The following RPL18 variants were observed in gnomAD, a reference collection of about 807,000 sequenced individuals.
RPL18 encodes ribosomal protein L18.
A neutral mutation model predicts 25.0 loss-of-function variants in RPL18; 4 were observed. The observed-to-expected ratio is 0.16, with a 90% CI of 0.08 to 0.37. The LOEUF (loss-of-function observed/expected upper bound fraction) is 0.37, where lower values mean the gene tolerates loss of function less well. Ranked by LOEUF, RPL18 falls within the 10% of genes least tolerant of loss-of-function variation. The pLI, the probability that RPL18 is intolerant of heterozygous loss-of-function variation, is 1.00. For synonymous variants in RPL18, 129 were observed against 101.6 expected (o/e 1.27, Z -1.62); for missense variants, 179 against 267.9 (o/e 0.67, Z 2.32).
chr19:48,615,967 C>T, intron 5 of RPL18, 21 bp from the exon 6 acceptor site: 2 of 1,613,994 alleles, frequency 1.2e-6, no homozygotes, highest in East Asian at 4.5e-5. Flanking sequence ...GGAAGGAGAA[C>T]CGGGTGAGAC....
intron 6 of RPL18, 189 bp downstream of exon 6, chr19:48,615,688 G>A (rs1974145160): frequency 1.5e-6 from 1 of 661,554 alleles, no homozygotes; most frequent in Admixed American, 2.6e-5. Flanking sequence ...GGAGATGCCT[G>A]CTCAGGCCCT....
At position 48,615,962 on chromosome 19, in the gene RPL18, G is replaced by A. The variant is rs1177946546; in HGVS notation, c.422-16C>T. ...TTGCGAGGACCTAGGGAAGGGGAAG[G>A]AGAACCGGGTGAGACAGGGATCTGG... is the stretch of plus-strand genomic sequence containing the variant. On this transcript the variant is annotated splice_polypyrimidine_tract_variant and intron_variant, in intron 5 of 6. Transcript: ENST00000549920. 1 of 1,614,056 alleles carries A rather than the reference G, an allele frequency of 6.2e-7. No individual in the cohort carries two copies. The highest frequency in any genetic ancestry group is 1.1e-5 in the South Asian group (1 of 91,068).
At position 48,616,736 on chromosome 19, in the gene RPL18, G is replaced by A; in HGVS notation, c.287C>T (p.Pro96Leu). The change falls in exon 4 of 7, where the codon CCC (proline) becomes CTC (leucine). Residue 96 changes from proline to leucine, a missense_variant. Coordinates refer to ENST00000549920, the MANE Select transcript of RPL18 (RefSeq NM_000979.4). ...ITDDVRVQEV[P>L]KLKVCALRVT... is the part of the protein sequence containing the mutation. ...CCCCCGCCAGCTCACCTTCAGTTTG[G>A]GTACCTCCTGAACCCGCACATCATC... The A allele has an allele frequency of 6.2e-7, 1 of 1,611,856 alleles. No individual in the cohort carries two copies. Among genetic ancestry groups the A allele is most frequent in the Non-Finnish European group, 8.5e-7 (1 of 1,178,068 alleles).
chr19:48,615,681 G>A (rs1367898689), intron 6 of RPL18, 196 bp downstream of exon 6: 7 of 653,032 alleles, frequency 1.1e-5, no homozygotes, highest in Non-Finnish European at 1.9e-5. Flanking sequence ...CTCCCCAGGA[G>A]ATGCCTGCTC....
At chr19:48,618,381 G>A (rs1038407746) in intron 1 of RPL18, 2 of 154,980 alleles carry the variant, frequency 1.3e-5, no homozygotes, top group Admixed American at 1.3e-4. Context: ...GGCCAGGCTG[G>A]TCTTGATCTC....
chr19:48,616,654 C>T, intron 4 of RPL18, 72 bp downstream of exon 4: 2 of 1,036,062 alleles, frequency 1.9e-6, no homozygotes, highest in Non-Finnish European at 3.1e-6. Flanking sequence ...CAGCACAGCA[C>T]AGCACAGCAC....
chr19:48,619,110 T>G, intron 1 of RPL18, 31 bp downstream of exon 1: 1 of 1,456,990 alleles, frequency 6.9e-7, no homozygotes, highest in Non-Finnish European at 9.2e-7. Flanking sequence ...CAGCGGATTA[T>G]CCAGCCCCGA....
chr19:48,617,541 C>A, intron 2 of RPL18, 118 bp from the exon 3 acceptor site: 1 of 838,286 alleles, frequency 1.2e-6, no homozygotes, highest in Non-Finnish European at 1.9e-6. Flanking sequence ...TTCCCCCAAC[C>A]CACCGACCTA....
intron 3 of RPL18, 35 bp downstream of exon 3, chr19:48,617,281 C>T: frequency 6.5e-7 from 1 of 1,537,458 alleles, no homozygotes. Context: ...CCAGCGGCTC[C>T]CAGGTCTACC....
intron 1 of RPL18, 171 bp from the exon 2 acceptor site, chr19:48,618,048 G>C (rs1194455180): frequency 3.5e-6 from 2 of 574,356 alleles, no homozygotes; most frequent in South Asian, 2.1e-5. Flanking sequence ...TCTGTAAAAA[G>C]GGGCTGTTTA....
chr19:48,618,239 G>T (rs547132704), intron 1 of RPL18: 2 of 211,270 alleles, frequency 9.5e-6, no homozygotes, highest in Non-Finnish European at 2.0e-5. Flanking sequence ...TGATGAAAAC[G>T]AATCCTTATT....
At chr19:48,617,289 A>G in intron 3 of RPL18, 27 bp downstream of exon 3, 1 of 1,568,766 alleles carries the variant, frequency 6.4e-7, no homozygotes, top group Middle Eastern at 1.7e-4. Context: ...TCCCAGGTCT[A>G]CCGTGCTCTC....
At chr19:48,615,657 CGG>C (rs1974144449) in intron 6 of RPL18, 1 of 643,302 alleles carries the variant, frequency 1.6e-6, no homozygotes, top group East Asian at 2.7e-5. Context: ...TGGCAAAGGC[CGG>C]TGAACTGCAT....
At position 48,616,685 on chromosome 19, in the gene RPL18, A is replaced by G. The variant is rs144311017; in HGVS notation, c.297+41T>C. 807 of 1,338,024 alleles carry G rather than the reference A, an allele frequency of 6.0e-4. 10 individuals carry two copies. The South Asian group carries it at 6.6e-3, about 11-fold the overall frequency. 82.9% of individuals were successfully genotyped at this position (1,338,024 alleles called of 1,614,324 possible). A position where few individuals can be genotyped will look rare whatever the true frequency, so the allele number is the denominator to read the frequency against. Reference sequence around the variant, plus strand: ...AGCACAGCACAGCACAGCACAGTACAGCAAGGGTCTGATGGGTCTGCCCAG... The same window carrying G: ...AGCACAGCACAGCACAGCACAGTACGGCAAGGGTCTGATGGGTCTGCCCAG... On this transcript the variant is annotated intron_variant, in intron 4 of 6. Transcript: ENST00000549920.
chr19:48,616,034 T>C, intron 5 of RPL18, 45 bp downstream of exon 5: 2 of 1,613,848 alleles, frequency 1.2e-6, no homozygotes, highest in South Asian at 1.1e-5. Context: ...AGGCTGCCAG[T>C]AGCCACACAG....
chr19:48,617,944 T>C, intron 1 of RPL18, 67 bp from the exon 2 acceptor site: 2 of 1,244,686 alleles, frequency 1.6e-6, no homozygotes, highest in Non-Finnish European at 2.4e-6. Context: ...TACTTATTTC[T>C]GAAACTGAGA....
rs772747077 is a variant in RPL18 at position 48,617,277 on chromosome 19, G to A, written c.198+39C>T. ...CCTTCCAGACAGACAAGACCCAGCG[G>A]CTCCCAGGTCTACCGTGCTCTCTGG... On this transcript the variant is annotated intron_variant, in intron 3 of 6. Transcript: ENST00000549920. 2.7e-6 allele frequency: 4 copies of A among 1,495,874 alleles called. No homozygotes were observed. In the South Asian group the frequency reaches 3.4e-5, roughly 13 times the overall value. 92.7% of individuals were successfully genotyped at this position (1,495,874 alleles called of 1,614,324 possible).
chr19:48,615,465 A>G lies in RPL18; in HGVS notation c.492-18T>C. 1 of 1,601,210 alleles carries G rather than the reference A, an allele frequency of 6.2e-7. No individual in the cohort carries two copies. The highest frequency in any genetic ancestry group is 8.5e-7 in the Non-Finnish European group (1 of 1,171,398). ...CGTAGGGTCTGTGGGGAGAGGAGGG[A>G]GTGAGAGGGGGGCCCTCTTAAAGGA... On this transcript the variant is annotated intron_variant, in intron 6 of 6. Coordinates refer to ENST00000549920, the MANE Select transcript of RPL18 (RefSeq NM_000979.4).
chr19:48,615,663 A>C, intron 6 of RPL18: 1 of 643,064 alleles, frequency 1.6e-6, no homozygotes, highest in Non-Finnish European at 2.7e-6. Flanking sequence ...AGGCCGGTGA[A>C]CTGCATGCTC....
Sources: gnomAD v4.1 joint callset for allele counts on GRCh38, gnomAD v4.1.1 for gene constraint, MANE v1.5 for transcripts, NCBI Gene and HGNC (gene_info 2026-07-23, HGNC 2026-07-21) for gene names.